CHRM2: variants seen among roughly 807,000 people sequenced by gnomAD.
CHRM2 encodes cholinergic receptor muscarinic 2, also known as muscarinic acetylcholine receptor M2.
CHRM2 carries 8 observed loss-of-function variants against 25.0 expected under a neutral mutation model. That is an observed-to-expected ratio of 0.32 (90% confidence interval 0.19 to 0.58). The LOEUF (loss-of-function observed/expected upper bound fraction) is 0.58, where lower values mean the gene tolerates loss of function less well. Among genes scored for constraint, CHRM2 ranks in the 20% least tolerant of loss-of-function variants. The probability of loss-of-function intolerance (pLI) is 0.88; values close to 1 mark genes in which losing one functional copy is unlikely to be tolerated. For missense variants in CHRM2, 440 were observed against 567.1 expected (o/e 0.78, Z 2.28); for synonymous variants, 202 against 205.7 (o/e 0.98, Z 0.15).
At chr7:136,951,951 A>C (rs1473337948) in intron 2 of CHRM2, among the ~76,000 whole-genome samples, 3 of 152,138 alleles carry the variant, frequency 2.0e-5, no homozygotes, top group African/African-American at 7.2e-5. Context: ...TTGAGGAGAA[A>C]ATAGTATCTT....
chr7:136,890,663 A>G (rs899834079), intron 2 of CHRM2, among the ~76,000 whole-genome samples: 1 of 152,170 alleles, frequency 6.6e-6, no homozygotes, highest in Non-Finnish European at 1.5e-5. Context: ...TTCTAGCCTG[A>G]AGAGGATGCA....
chr7:136,935,576 A>T (rs1373875812), intron 2 of CHRM2, among the ~76,000 whole-genome samples: 2 of 152,188 alleles, frequency 1.3e-5, no homozygotes, highest in Admixed American at 1.3e-4. Flanking sequence ...AGCTGTTTCC[A>T]TTGGGAGCTG....
intron 2 of CHRM2, among the ~76,000 whole-genome samples, chr7:136,900,906 T>C (rs182931856): frequency 1.3e-5 from 2 of 151,956 alleles, no homozygotes; most frequent in Admixed American, 6.6e-5. Flanking sequence ...ATGATATGGG[T>C]AGGGTACCAA....
intron 2 of CHRM2, among the ~76,000 whole-genome samples, chr7:136,963,245 C>A (rs570809778): frequency 6.6e-6 from 1 of 152,074 alleles, no homozygotes; most frequent in East Asian, 1.9e-4. Flanking sequence ...ACCAGGGTGC[C>A]TGAATGCTTG....
intron 2 of CHRM2, among the ~76,000 whole-genome samples, chr7:136,985,513 AAAAAAAAAAAAAAAAC>A (rs1398267623): frequency 6.6e-6 from 1 of 151,302 alleles, no homozygotes; most frequent in Non-Finnish European, 1.5e-5. Flanking sequence ...CCAAAAAAAA[AAAAAAAAAAAAAAAAC>A]AAAAACACCT....
chr7:136,892,032 A>G (rs1376275429), intron 2 of CHRM2, among the ~76,000 whole-genome samples: 1 of 152,200 alleles, frequency 6.6e-6, no homozygotes, highest in East Asian at 1.9e-4. Context: ...TGGGGCCTAG[A>G]ATAGTATCTG....
At chr7:136,919,160 G>A (rs181745738) in intron 2 of CHRM2, among the ~76,000 whole-genome samples, 4 of 152,116 alleles carry the variant, frequency 2.6e-5, no homozygotes, top group East Asian at 3.9e-4. Flanking sequence ...GACACTGTAC[G>A]AAGACAATCA....
chr7:136,924,711 G>A (rs910201174), intron 2 of CHRM2, among the ~76,000 whole-genome samples: 4 of 152,038 alleles, frequency 2.6e-5, no homozygotes, highest in Non-Finnish European at 5.9e-5. Flanking sequence ...GCTGCCAGTG[G>A]TCACTGACAC....
intron 2 of CHRM2, among the ~76,000 whole-genome samples, chr7:136,884,406 T>C (rs1167410466): frequency 6.6e-6 from 1 of 152,138 alleles, no homozygotes; most frequent in African/African-American, 2.4e-5. Flanking sequence ...TTCTTCCAAA[T>C]AGCAGATTAC....
At chr7:136,937,621 G>T (rs118140522) in intron 2 of CHRM2, among the ~76,000 whole-genome samples, 107 of 152,130 alleles carry the variant, frequency 7.0e-4, no homozygotes, top group Admixed American at 1.2e-3. Flanking sequence ...CACATCTACT[G>T]GTGTTAAACA....
chr7:136,946,043 C>T (rs772898093), intron 2 of CHRM2, among the ~76,000 whole-genome samples: 11 of 152,048 alleles, frequency 7.2e-5, no homozygotes, highest in Middle Eastern at 3.2e-3. Context: ...ATTCTTGTCC[C>T]GGCTTTGCTC....
intron 2 of CHRM2, among the ~76,000 whole-genome samples, chr7:136,929,070 G>A (rs892965932): frequency 1.3e-5 from 2 of 151,994 alleles, no homozygotes; most frequent in East Asian, 3.9e-4. Flanking sequence ...GACGATATGC[G>A]ATCACGTGAA....
At chr7:136,934,724 T>A (rs1799313203) in intron 2 of CHRM2, among the ~76,000 whole-genome samples, 1 of 151,792 alleles carries the variant, frequency 6.6e-6, no homozygotes, top group Admixed American at 6.6e-5. Context: ...TTATAAATAA[T>A]GTAATTTTGT....
At chr7:136,920,968 G>A (rs989492816) in intron 2 of CHRM2, among the ~76,000 whole-genome samples, 3 of 151,972 alleles carry the variant, frequency 2.0e-5, no homozygotes, top group South Asian at 2.1e-4. Context: ...CTTTCCCTTA[G>A]GGGCACCACT....
At chr7:137,006,845 C>T (rs1804468589) in intron 3 of CHRM2, among the ~76,000 whole-genome samples, 1 of 151,896 alleles carries the variant, frequency 6.6e-6, no homozygotes, top group Admixed American at 6.6e-5. Context: ...CTTATACATC[C>T]CTCTAGAATA....
intron 2 of CHRM2, among the ~76,000 whole-genome samples, chr7:136,933,706 A>AT (rs1236564996): frequency 3.9e-5 from 6 of 152,210 alleles, no homozygotes; most frequent in Non-Finnish European, 8.8e-5. Flanking sequence ...ACAAAATGTG[A>AT]TATTTCCATA....
intron 2 of CHRM2, among the ~76,000 whole-genome samples, chr7:136,962,305 T>C (rs1277784676): frequency 1.3e-5 from 2 of 152,138 alleles, no homozygotes; most frequent in African/African-American, 4.8e-5. Flanking sequence ...GGCTAATTTT[T>C]TGTATTTTTA....
At chr7:136,944,265 A>G (rs191461498) in intron 2 of CHRM2, among the ~76,000 whole-genome samples, 3 of 151,722 alleles carry the variant, frequency 2.0e-5, no homozygotes, top group Admixed American at 2.0e-4. Flanking sequence ...CCAAGTCCCC[A>G]AAGTCTATTG....
chr7:136,989,980 T>C (rs987650191), intron 2 of CHRM2, among the ~76,000 whole-genome samples: 2 of 152,136 alleles, frequency 1.3e-5, no homozygotes, highest in African/African-American at 2.4e-5. Flanking sequence ...TCCAGCACCA[T>C]TGAACTTACA....
Sources: allele counts gnomAD v4.1 joint callset (sites outside exome capture counted in the v4.1 genomes callset), GRCh38; gene constraint gnomAD v4.1.1; transcripts MANE v1.5; gene names NCBI Gene and HGNC (gene_info 2026-07-23, HGNC 2026-07-21).